Variants in SDHAF3 observed in about 807,000 individuals in gnomAD.
The protein encoded by SDHAF3 is succinate dehydrogenase assembly factor 3, mitochondrial.
SDHAF3 carries 18 observed loss-of-function variants against 11.5 expected under a neutral mutation model. That is an observed-to-expected ratio of 1.56 (90% CI 1.08 to 2.32). SDHAF3 has a LOEUF of 2.32. Ranked by LOEUF, SDHAF3 falls within the 30% of genes most tolerant of loss-of-function variation. The pLI, the probability that SDHAF3 is intolerant of heterozygous loss-of-function variation, is 0.00. For synonymous variants in SDHAF3, 72 were observed against 59.3 expected, an observed-to-expected ratio of 1.21 and a Z score of -0.99; for missense variants, 200 against 154.4, an observed-to-expected ratio of 1.30 and a Z score of -1.57.
intron 1 of SDHAF3, among the ~76,000 whole-genome samples, chr7:97,129,288 G>T (rs981379146): frequency 6.6e-6 from 1 of 152,116 alleles, no homozygotes; most frequent in African/African-American, 2.4e-5. Flanking sequence ...TACCTACCTG[G>T]TGTTTGAGTT....
At chr7:97,118,043 A>C in intron 1 of SDHAF3, 146 bp downstream of exon 1, 2 of 1,015,952 alleles carry the variant, frequency 2.0e-6, no homozygotes, top group Non-Finnish European at 2.8e-6. Context: ...AACACTTTCC[A>C]AAGTTTCTCC....
At chr7:97,124,259 C>A (rs553296631) in intron 1 of SDHAF3, among the ~76,000 whole-genome samples, 1 of 152,112 alleles carries the variant, frequency 6.6e-6, no homozygotes, top group African/African-American at 2.4e-5. Context: ...AATCCTTTCC[C>A]CATTGCTTGT....
At chr7:97,179,147 A>G (rs746458678) in intron 1 of SDHAF3, among the ~76,000 whole-genome samples, 1 of 152,194 alleles carries the variant, frequency 6.6e-6, no homozygotes, top group Non-Finnish European at 1.5e-5. Flanking sequence ...TCAATTGGCT[A>G]TATATGTAAG....
chr7:97,133,780 A>G (rs1165538536), intron 1 of SDHAF3, among the ~76,000 whole-genome samples: 1 of 152,244 alleles, frequency 6.6e-6, no homozygotes, highest in Non-Finnish European at 1.5e-5. Context: ...AAATCAGTGT[A>G]ACTCAAAGCA....
At chr7:97,122,506 T>C (rs975725774) in intron 1 of SDHAF3, among the ~76,000 whole-genome samples, 3 of 138,276 alleles carry the variant, frequency 2.2e-5, no homozygotes, top group African/African-American at 8.4e-5. Context: ...ATTTATGAGG[T>C]TTTTTTTTTT....
At chr7:97,160,768 A>G (rs1384264901) in intron 1 of SDHAF3, among the ~76,000 whole-genome samples, 2 of 152,240 alleles carry the variant, frequency 1.3e-5, no homozygotes, top group Admixed American at 1.3e-4. Flanking sequence ...ATAGAGGTGT[A>G]TTGGTGGAAG....
chr7:97,143,969 G>A (rs1410884027), intron 1 of SDHAF3, among the ~76,000 whole-genome samples: 1 of 152,002 alleles, frequency 6.6e-6, no homozygotes, highest in African/African-American at 2.4e-5. Context: ...AGAAGTGTCC[G>A]CTGATCACCG....
chr7:97,148,129 A>G (rs1318429156), intron 1 of SDHAF3, among the ~76,000 whole-genome samples: 1 of 152,092 alleles, frequency 6.6e-6, no homozygotes, highest in Non-Finnish European at 1.5e-5. Context: ...CCAGACCCCA[A>G]GTGATCCACC....
chr7:97,147,456 T>C (rs1479586147), intron 1 of SDHAF3, among the ~76,000 whole-genome samples: 2 of 152,216 alleles, frequency 1.3e-5, no homozygotes, highest in African/African-American at 4.8e-5. Flanking sequence ...CCTACTGATT[T>C]GAACAAAATG....
chr7:97,178,514 C>G (rs1789720404), intron 1 of SDHAF3, among the ~76,000 whole-genome samples: 1 of 152,046 alleles, frequency 6.6e-6, no homozygotes, highest in Admixed American at 6.6e-5. Flanking sequence ...CTAGTTTATT[C>G]CAACTGTTAT....
intron 1 of SDHAF3, among the ~76,000 whole-genome samples, chr7:97,147,568 A>G (rs1789154896): frequency 6.6e-6 from 1 of 152,208 alleles, no homozygotes; most frequent in Non-Finnish European, 1.5e-5. Flanking sequence ...AGGGTTTCTA[A>G]AATCTATATG....
In SDHAF3 at chr7:97,129,598, T is replaced by G. The variant is rs74430568; in HGVS notation, c.174+11701T>G. On this transcript the variant is annotated intron_variant, in intron 1 of 1. Transcript: ENST00000432641. The stretch of plus-strand genomic sequence containing the variant: ...ATCTTTACTTGGAAATCCTTTCATG[T>G]TAAAGATGAAGAAACTAAGGCCTAT... Among the ~76,000 whole-genome samples the G allele has an allele frequency of 6.4e-3, 970 of 152,290 alleles. 11 individuals are homozygous for G. The highest frequency in any genetic ancestry group is 0.022 in the African/African-American group (925 of 41,560).
chr7:97,117,775 C>A lies in SDHAF3; in HGVS notation c.52C>A (p.Gln18Lys). 3 of 1,614,182 alleles carry A rather than the reference C, an allele frequency of 1.9e-6. No homozygotes were observed. The highest frequency in any genetic ancestry group is 2.5e-6 in the Non-Finnish European group (3 of 1,180,034). ...CCGGGCATTGTACAAGCGCGTCTTG[C>A]AGCTGCACCGTGTTCTGCCCCCGGA... ...RVRALYKRVLQLHRVLPPDLK... is the reference protein window; with the variant it reads ...RVRALYKRVLKLHRVLPPDLK... The change falls in exon 1 of 2, where the codon CAG becomes AAG. Residue 18 changes from glutamine (Q) to lysine (K), a missense_variant. By Grantham distance (53) the Gln-to-Lys change is moderately conservative. Transcript: ENST00000432641.
chr7:97,119,811 A>C (rs928825054), intron 1 of SDHAF3, among the ~76,000 whole-genome samples: 1 of 152,054 alleles, frequency 6.6e-6, no homozygotes, highest in Non-Finnish European at 1.5e-5. Flanking sequence ...AATGTATCTC[A>C]ATTTGAGTTT....
At chr7:97,136,205 G>A (rs1791766279) in intron 1 of SDHAF3, among the ~76,000 whole-genome samples, 1 of 152,110 alleles carries the variant, frequency 6.6e-6, no homozygotes, top group Admixed American at 6.5e-5. Flanking sequence ...TAATACCCTT[G>A]AGTGTATTTC....
At chr7:97,151,229 C>T (rs1026304002) in intron 1 of SDHAF3, among the ~76,000 whole-genome samples, 3 of 152,124 alleles carry the variant, frequency 2.0e-5, no homozygotes, top group Non-Finnish European at 2.9e-5. Flanking sequence ...GAAAGGCATA[C>T]GGATTTATTA....
chr7:97,156,014 A>G (rs1326494735), intron 1 of SDHAF3, among the ~76,000 whole-genome samples: 1 of 152,182 alleles, frequency 6.6e-6, no homozygotes, highest in Non-Finnish European at 1.5e-5. Context: ...TAACTAATGA[A>G]CTAATATTGA....
chr7:97,164,639 T>C (rs1789473709), intron 1 of SDHAF3, among the ~76,000 whole-genome samples: 2 of 152,126 alleles, frequency 1.3e-5, no homozygotes, highest in Admixed American at 1.3e-4. Flanking sequence ...CCTCCCAAAG[T>C]GCTGGGATTA....
At chr7:97,121,808 G>C (rs7789931) in intron 1 of SDHAF3, among the ~76,000 whole-genome samples, 2,532 of 151,374 alleles carry the variant, frequency 0.017, 40 homozygotes, top group Middle Eastern at 0.056. Flanking sequence ...ATATGCAGAG[G>C]CATCGAGGTA....
Sources: allele counts gnomAD v4.1 joint callset (sites outside exome capture counted in the v4.1 genomes callset), GRCh38; gene constraint gnomAD v4.1.1; transcripts MANE v1.5; gene names NCBI Gene and HGNC (gene_info 2026-07-23, HGNC 2026-07-21).